Variants in ZSCAN5A observed in about 807,000 individuals in gnomAD.
ZSCAN5A encodes zinc finger and SCAN domain containing 5A, also known as zinc finger and SCAN domain-containing protein 5A.
In ZSCAN5A, 12 loss-of-function variants were observed where a neutral mutation model predicts 23.7. The ratio of observed to expected loss-of-function variants is 0.51; its 90% CI spans 0.32 to 0.82. The LOEUF (loss-of-function observed/expected upper bound fraction) is 0.82. ZSCAN5A is among the 40% of genes least tolerant of loss of function. The pLI, the probability that ZSCAN5A is intolerant of heterozygous loss-of-function variation, is 0.03. For synonymous variants in ZSCAN5A, 257 were observed against 239.9 expected (o/e 1.07, Z -0.66); for missense variants, 597 against 617.9 (o/e 0.97, Z 0.36).
intron 2 of ZSCAN5A, among the ~76,000 whole-genome samples, chr19:56,284,661 C>T (rs185340975): frequency 8.2e-4 from 125 of 151,832 alleles, no homozygotes; most frequent in Middle Eastern, 6.8e-3. Context: ...ATTACAGGCA[C>T]CCACCACCAT....
chr19:56,348,259 C>T (rs559950972), intron 2 of ZSCAN5A: 2 of 152,310 alleles, frequency 1.3e-5, no homozygotes, highest in Admixed American at 1.3e-4. Context: ...CTCTCTAATC[C>T]AGATCTCCCC....
intron 2 of ZSCAN5A, among the ~76,000 whole-genome samples, chr19:56,278,344 G>T (rs1053808867): frequency 3.3e-5 from 5 of 152,174 alleles, no homozygotes; most frequent in African/African-American, 4.8e-5. Context: ...ATGTTGGCCA[G>T]GCTGGTTTTG....
intron 2 of ZSCAN5A, chr19:56,304,695 C>A: frequency 1.5e-6 from 1 of 683,366 alleles, no homozygotes; most frequent in Non-Finnish European, 1.8e-6. Flanking sequence ...GGGAAAGAAG[C>A]GAGAGGGGGA....
chr19:56,234,355 G>T (rs2034703865), intron 2 of ZSCAN5A, among the ~76,000 whole-genome samples: 1 of 152,158 alleles, frequency 6.6e-6, no homozygotes, highest in East Asian at 1.9e-4. Flanking sequence ...AAGCTCTGAA[G>T]ATATATTATA....
chr19:56,222,474 T>C (rs954801172), intron 5 of ZSCAN5A, 117 bp downstream of exon 5: 4 of 1,550,088 alleles, frequency 2.6e-6, no homozygotes, highest in Non-Finnish European at 3.5e-6. Context: ...AAGTAGAGGA[T>C]GGGGAGGCTT....
upstream of ZSCAN5A, among the ~76,000 whole-genome samples, chr19:56,318,888 G>T (rs8110189): frequency 0.63 from 95,616 of 151,888 alleles, 30,870 homozygotes; most frequent in Middle Eastern, 0.76. Flanking sequence ...GCAGACCACC[G>T]TGGCTAAACA....
intron 2 of ZSCAN5A, among the ~76,000 whole-genome samples, chr19:56,250,029 G>C (rs959275045): frequency 1.3e-5 from 2 of 152,108 alleles, no homozygotes; most frequent in African/African-American, 4.8e-5. Context: ...CTCGGTTCTT[G>C]TCTTCTTAAT....
intron 2 of ZSCAN5A, among the ~76,000 whole-genome samples, chr19:56,260,770 TCTTGA>T (rs1195844458): frequency 1.3e-5 from 2 of 152,168 alleles, no homozygotes; most frequent in African/African-American, 4.8e-5. Context: ...GGTGGTACTT[TCTTGA>T]GAGAAGCTTG....
At chr19:56,238,678 T>G (rs992277859) in intron 2 of ZSCAN5A, among the ~76,000 whole-genome samples, 1 of 151,848 alleles carries the variant, frequency 6.6e-6, no homozygotes, top group Non-Finnish European at 1.5e-5. Flanking sequence ...AGGTAGGAGA[T>G]CTCTACAAGA....
intron 2 of ZSCAN5A, chr19:56,247,413 A>ACACTC: frequency 5.6e-6 from 1 of 179,124 alleles, no homozygotes; most frequent in Admixed American, 5.8e-5. Flanking sequence ...CCAAGTGTCT[A>ACACTC]AGAGCCTTTC....
chr19:56,300,940 G>A (rs919153386), intron 2 of ZSCAN5A, among the ~76,000 whole-genome samples: 26 of 152,170 alleles, frequency 1.7e-4, no homozygotes, highest in Non-Finnish European at 8.8e-5. Context: ...TCTGGTGCTA[G>A]AAAGATCCTG....
intron 2 of ZSCAN5A, among the ~76,000 whole-genome samples, chr19:56,301,528 T>G (rs2040231212): frequency 6.6e-6 from 1 of 152,178 alleles, no homozygotes; most frequent in Admixed American, 6.5e-5. Context: ...CAACCTGTTT[T>G]ATCAGCAGGG....
chr19:56,308,278 C>T (rs920562149), intron 2 of ZSCAN5A, among the ~76,000 whole-genome samples: 2 of 151,828 alleles, frequency 1.3e-5, no homozygotes, highest in East Asian at 1.9e-4. Flanking sequence ...GTGATCCGCC[C>T]GCCTCGGCCT....
At chr19:56,223,519 A>C in intron 4 of ZSCAN5A, 112 bp downstream of exon 4, 1 of 1,091,462 alleles carries the variant, frequency 9.2e-7, no homozygotes, top group Non-Finnish European at 1.3e-6. Flanking sequence ...GTCCATGGGG[A>C]ATGGCTCTAA....
At chr19:56,286,343 G>C (rs1015047895) in intron 2 of ZSCAN5A, 1 of 151,962 alleles carries the variant, frequency 6.6e-6, no homozygotes, top group East Asian at 1.9e-4. Flanking sequence ...TTGATAATGT[G>C]GTGGCCAAAA....
At chr19:56,244,103 G>C (rs2035654755) in intron 2 of ZSCAN5A, 8 of 1,486,118 alleles carry the variant, frequency 5.4e-6, no homozygotes, top group Non-Finnish European at 7.5e-6. Flanking sequence ...CCCTGAGTCA[G>C]AGCCGCCACA....
At chr19:56,290,487 GC>G (rs2039439845) in intron 2 of ZSCAN5A, among the ~76,000 whole-genome samples, 1 of 152,132 alleles carries the variant, frequency 6.6e-6, no homozygotes, top group African/African-American at 2.4e-5. Context: ...TAAAATTAGG[GC>G]CTAGGACCCT....
At chr19:56,277,472 G>A (rs2038350086) in intron 2 of ZSCAN5A, among the ~76,000 whole-genome samples, 1 of 149,868 alleles carries the variant, frequency 6.7e-6, no homozygotes, top group Non-Finnish European at 1.5e-5. Context: ...TACCGTATAT[G>A]AAATATTCAG....
chr19:56,285,600 A>G (rs1476834815), intron 2 of ZSCAN5A, among the ~76,000 whole-genome samples: 1 of 151,902 alleles, frequency 6.6e-6, no homozygotes. Context: ...GATTCCTAAC[A>G]TATTTTGATT....
Sources: gnomAD v4.1 joint callset for allele counts (sites outside exome capture counted in the v4.1 genomes callset) on GRCh38, gnomAD v4.1.1 for gene constraint, MANE v1.5 for transcripts, NCBI Gene and HGNC (gene_info 2026-07-23, HGNC 2026-07-21) for gene names.